The following HOGA1 variants were observed in gnomAD, a reference collection of about 807,000 sequenced individuals.
HOGA1 encodes the protein 4-hydroxy-2-oxoglutarate aldolase 1.
A neutral mutation model predicts 34.3 loss-of-function variants in HOGA1; 30 were observed. The observed-to-expected ratio is 0.87, with a 90% CI of 0.65 to 1.19. The LOEUF is 1.19. Ranked by LOEUF, HOGA1 falls within the 50% of genes most tolerant of loss-of-function variation. The pLI is 0.00. For synonymous variants in HOGA1, 161 were observed against 174.0 expected, an observed-to-expected ratio of 0.93 and a Z score of 0.59; for missense variants, 417 against 436.5, an observed-to-expected ratio of 0.96 and a Z score of 0.40.
intron 1 of HOGA1, among the ~76,000 whole-genome samples, chr10:97,588,252 C>T (rs1344081455): frequency 2.8e-5 from 4 of 141,238 alleles, no homozygotes; most frequent in Non-Finnish European, 4.5e-5. Context: ...GGCTGCAGTG[C>T]AGTGGCACGA....
At chr10:97,609,838 T>A (rs1564762067) in intron 6 of HOGA1, among the ~76,000 whole-genome samples, 1 of 152,122 alleles carries the variant, frequency 6.6e-6, no homozygotes, top group Non-Finnish European at 1.5e-5. Flanking sequence ...TATTAGAACA[T>A]CATGGGGGTG....
intron 6 of HOGA1, 143 bp from the exon 7 acceptor site, chr10:97,611,367 A>G (rs2041194175): frequency 1.2e-6 from 1 of 858,584 alleles, no homozygotes; most frequent in Admixed American, 2.1e-5. Flanking sequence ...TTCCCAATGT[A>G]CCCTGGGTGC....
intron 1 of HOGA1, among the ~76,000 whole-genome samples, chr10:97,597,480 G>T (rs2041080462): frequency 6.6e-6 from 1 of 151,938 alleles, no homozygotes; most frequent in African/African-American, 2.4e-5. Context: ...ACCTGTAACT[G>T]GTACAGGTAT....
In HOGA1 at chr10:97,611,808, C is replaced by G. The variant is rs1041366995; in HGVS notation, c.*149C>G. 7.9e-6 allele frequency: 7 copies of G among 884,460 alleles called. No homozygotes were observed. Among genetic ancestry groups the G allele is most frequent in the Non-Finnish European group, 1.2e-5 (7 of 571,720 alleles). The allele number at this position is 884,460 out of a possible 1,614,324, so 54.8% of individuals were successfully genotyped here. A position where few individuals can be genotyped will look rare whatever the true frequency, so the allele number is the denominator to read the frequency against. On this transcript the variant is annotated 3_prime_UTR_variant, in exon 7 of 7. Coordinates refer to ENST00000370646, the MANE Select transcript of HOGA1 (RefSeq NM_138413.4). ...TGCCTGCTGTGGTCCTCCAGGCAGC[C>G]TTTCACAGGCACGCCCATGCATATC...
At chr10:97,610,759 C>T (rs2041188832) in intron 6 of HOGA1, among the ~76,000 whole-genome samples, 2 of 151,970 alleles carry the variant, frequency 1.3e-5, no homozygotes. Flanking sequence ...GAGATCAGGA[C>T]ACTGCACTCC....
chr10:97,595,742 A>G (rs568914925), intron 1 of HOGA1, among the ~76,000 whole-genome samples: 9 of 152,132 alleles, frequency 5.9e-5, no homozygotes, highest in African/African-American at 2.2e-4. Context: ...TATCATCACT[A>G]TTTTTTAATT....
chr10:97,599,658 T>C, intron 3 of HOGA1, 22 bp from the exon 4 acceptor site: 1 of 1,613,630 alleles, frequency 6.2e-7, no homozygotes, highest in Non-Finnish European at 8.5e-7. Context: ...TCTCCTGCTT[T>C]TCTCTGCGCC....
intron 1 of HOGA1, among the ~76,000 whole-genome samples, chr10:97,588,195 CTTTCTTTT>C (rs2040986417): frequency 7.6e-6 from 1 of 131,346 alleles, no homozygotes; most frequent in African/African-American, 2.7e-5. Context: ...TTTGTTTTTT[CTTTCTTTT>C]TTTTTTTTTT....
rs372733263 is a variant in HOGA1 at position 97,598,732 on chromosome 10, C to T, written c.212-43C>T. The T allele has an allele frequency of 8.7e-6, 14 of 1,613,074 alleles. No homozygotes were observed. The East Asian group carries it at 1.1e-4, about 13-fold the overall frequency. On this transcript the variant is annotated intron_variant, in intron 1 of 6. Coordinates refer to ENST00000370646, the MANE Select transcript of HOGA1 (RefSeq NM_138413.4). ...TAGGAACACCAATGTCCTAGTTGTT[C>T]GGTAGAGGATGGGAAGGAGTTAGTC...
Position 97,584,771 on chromosome 10 carries a change from G to T in HOGA1, c.68G>T (p.Gly23Val). Reference protein sequence around the residue: ...GLSRSLSRNVGVWASGEGKKV... With the variant: ...GLSRSLSRNVVVWASGEGKKV... ...AGCAGGAGCTTGTCCAGGAATGTGGGGGTCTGGGCCTCAGGGGAGGGGAAG... is the reference window on the plus strand; with the variant it reads ...AGCAGGAGCTTGTCCAGGAATGTGGTGGTCTGGGCCTCAGGGGAGGGGAAG... The change falls in exon 1 of 7, where the codon GGG (glycine) becomes GTG (valine). Residue 23 changes from glycine (G) to valine (V), a missense_variant. Coordinates refer to ENST00000370646, the MANE Select transcript of HOGA1 (RefSeq NM_138413.4). 1 of 1,613,688 alleles carries T rather than the reference G, an allele frequency of 6.2e-7. No homozygotes were observed. Among genetic ancestry groups the T allele is most frequent in the Non-Finnish European group, 8.5e-7 (1 of 1,179,798 alleles).
intron 1 of HOGA1, among the ~76,000 whole-genome samples, chr10:97,588,386 T>G (rs1240795331): frequency 6.6e-6 from 1 of 152,038 alleles, no homozygotes; most frequent in Non-Finnish European, 1.5e-5. Flanking sequence ...TGTGTGTGTA[T>G]TTTTAGTAGA....
rs578051460 is a variant in HOGA1, at chr10:97,587,950, A to G, written c.211+3036A>G. Among the ~76,000 whole-genome samples the G allele has an allele frequency of 1.0e-3, 158 of 151,834 alleles. 1 individual carries two copies. The highest frequency in any genetic ancestry group is 3.8e-3 in the African/African-American group (156 of 41,426). On this transcript the variant is annotated intron_variant, in intron 1 of 6. Transcript: ENST00000370646. ...CTCAGCCTCCCGAGTAGCTGGGACC[A>G]AAGGTGCACACCACTATACCCGGCT... is the stretch of plus-strand genomic sequence containing the variant.
At chr10:97,588,216 G>A (rs559939769) in intron 1 of HOGA1, among the ~76,000 whole-genome samples, 997 of 39,586 alleles carry the variant, frequency 0.025, 7 homozygotes, top group Non-Finnish European at 0.04. Flanking sequence ...TTTTTTTTTT[G>A]TGATGGAGTC....
chr10:97,606,820 C>T (rs1015084470), intron 6 of HOGA1, among the ~76,000 whole-genome samples: 4 of 152,144 alleles, frequency 2.6e-5, no homozygotes, highest in African/African-American at 9.7e-5. Flanking sequence ...TGCGTTAAGC[C>T]TGCATACCAA....
intron 1 of HOGA1, chr10:97,590,499 GCCACAGTCA>G (rs1457794769): frequency 3.5e-5 from 57 of 1,612,710 alleles, no homozygotes; most frequent in Non-Finnish European, 4.8e-5. Flanking sequence ...ACCTTCTATG[GCCACAGTCA>G]CCACAGTCAC....
intron 1 of HOGA1, among the ~76,000 whole-genome samples, chr10:97,586,380 G>C (rs2040971612): frequency 6.6e-6 from 1 of 152,234 alleles, no homozygotes; most frequent in East Asian, 1.9e-4. Flanking sequence ...AAGCTGCTTT[G>C]TGACTGTGAC....
At chr10:97,610,631 AAAAAT>A (rs545351475) in intron 6 of HOGA1, among the ~76,000 whole-genome samples, 4 of 152,238 alleles carry the variant, frequency 2.6e-5, no homozygotes, top group South Asian at 2.1e-4. Context: ...CTAAAAATAC[AAAAAT>A]AAAATAAAAT....
At chr10:97,590,494 C>T (rs1283384868) in intron 1 of HOGA1, 5 of 1,613,150 alleles carry the variant, frequency 3.1e-6, no homozygotes, top group Middle Eastern at 1.8e-4. Flanking sequence ...CACACACCTT[C>T]TATGGCCACA....
At chr10:97,602,534 G>C (rs1000038934) in intron 6 of HOGA1, 13 of 985,262 alleles carry the variant, frequency 1.3e-5, no homozygotes, top group Admixed American at 1.2e-4. Context: ...CAAGTTCAGG[G>C]TCATTCTGAA....
Sources: allele counts gnomAD v4.1 joint callset (sites outside exome capture counted in the v4.1 genomes callset), GRCh38; gene constraint gnomAD v4.1.1; transcripts MANE v1.5; gene names NCBI Gene and HGNC (gene_info 2026-07-23, HGNC 2026-07-21).